Variants in LPCAT3 observed in about 807,000 individuals in gnomAD.
LPCAT3 encodes lysophosphatidylcholine acyltransferase 3, also known as lysophospholipid acyltransferase 5.
LPCAT3 carries 21 observed loss-of-function variants against 63.4 expected under a neutral mutation model. The observed-to-expected ratio is 0.33, with a 90% CI of 0.23 to 0.48. The LOEUF is 0.48. LPCAT3 is among the 20% of genes least tolerant of loss of function. The pLI, the probability that LPCAT3 is intolerant of heterozygous loss-of-function variation, is 0.99. For missense variants in LPCAT3, 451 were observed against 590.6 expected, an observed-to-expected ratio of 0.76 and a Z score of 2.45; for synonymous variants, 242 against 227.5, an observed-to-expected ratio of 1.06 and a Z score of -0.58.
intron 1 of LPCAT3, among the ~76,000 whole-genome samples, chr12:7,015,428 C>T (rs782695509): frequency 1.3e-5 from 2 of 152,210 alleles, no homozygotes; most frequent in Non-Finnish European, 2.9e-5. Context: ...AGGAACTCCA[C>T]TGCTGAAAGG....
chr12:6,978,734 G>C, intron 7 of LPCAT3, 45 bp from the exon 8 acceptor site: 1 of 1,607,268 alleles, frequency 6.2e-7, no homozygotes, highest in Middle Eastern at 1.7e-4. Flanking sequence ...CACATGACTA[G>C]GCAGTTTCTC....
At chr12:6,999,755 A>G (rs998362805) in intron 1 of LPCAT3, among the ~76,000 whole-genome samples, 7 of 152,210 alleles carry the variant, frequency 4.6e-5, no homozygotes, top group Non-Finnish European at 1.0e-4. Context: ...TAGCAAAGAT[A>G]AAAATCACAC....
chr12:6,988,696 C>T lies in LPCAT3; in HGVS notation c.152-5157G>A, dbSNP rs192280880. ...CTTCCACTTTTAACAGCATGAGACA[C>T]GGTTCTGACAGCCCCACTAACATCC... is the stretch of plus-strand genomic sequence containing the variant. On this transcript the variant is annotated intron_variant, in intron 1 of 12. Transcript: ENST00000261407. Among the ~76,000 whole-genome samples, 222 of 152,320 alleles carry T rather than the reference C, an allele frequency of 1.5e-3. 1 individual carries two copies. The highest frequency in any genetic ancestry group is 4.4e-3 in the African/African-American group (183 of 41,578).
At chr12:6,981,659 G>T in intron 4 of LPCAT3, 27 bp from the exon 5 acceptor site, 1 of 1,613,118 alleles carries the variant, frequency 6.2e-7, no homozygotes, top group Non-Finnish European at 8.5e-7. Context: ...CGGATGGGTA[G>T]GGTGGTGGGA....
chr12:6,979,840 A>G, intron 6 of LPCAT3: 1 of 471,896 alleles, frequency 2.1e-6, no homozygotes, highest in Non-Finnish European at 3.8e-6. Flanking sequence ...TTTACCCCTC[A>G]GGGATGCTAC....
intron 7 of LPCAT3, 188 bp downstream of exon 7, chr12:6,979,283 A>C (rs782749504): frequency 1.8e-5 from 11 of 598,958 alleles, no homozygotes; most frequent in African/African-American, 1.5e-4. Context: ...GTGCCCGCGA[A>C]GGTTGTTCAG....
At chr12:7,013,981 G>A (rs1555157409) in intron 1 of LPCAT3, among the ~76,000 whole-genome samples, 2 of 152,196 alleles carry the variant, frequency 1.3e-5, no homozygotes, top group African/African-American at 4.8e-5. Flanking sequence ...TTAAAGTCCT[G>A]TTTTAGTCAC....
chr12:7,018,258 G>T lies in LPCAT3; in HGVS notation c.151+16C>A, dbSNP rs1555157763. 5.0e-6 allele frequency: 8 copies of T among 1,588,062 alleles called. No homozygotes were observed. The South Asian group carries it at 8.0e-5, about 16-fold the overall frequency. Reference sequence around the variant, plus strand: ...GGGACTCCGCGAGGGGCGGAGGGAGGCAGGAGGGTCCTTACCCAGGAAGAT... The same window carrying T: ...GGGACTCCGCGAGGGGCGGAGGGAGTCAGGAGGGTCCTTACCCAGGAAGAT... On this transcript the variant is annotated intron_variant, in intron 1 of 12. Coordinates refer to ENST00000261407, the MANE Select transcript of LPCAT3 (RefSeq NM_005768.6). This position sits in a 1 kb window ranked among gnomAD's most constrained non-coding sequence, Gnocchi z 4.9.
intron 1 of LPCAT3, among the ~76,000 whole-genome samples, chr12:7,003,512 G>A (rs114013975): frequency 0.023 from 3,470 of 152,180 alleles, 38 homozygotes; most frequent in Middle Eastern, 0.095. Flanking sequence ...GTGTTGTCCA[G>A]GTTGGGTTTT....
chr12:6,979,430 T>A, intron 7 of LPCAT3, 41 bp downstream of exon 7: 1 of 1,424,124 alleles, frequency 7.0e-7, no homozygotes, highest in Non-Finnish European at 9.9e-7. Flanking sequence ...ATTTTCTAGC[T>A]CTGGTGCAGT....
chr12:7,001,555 T>A, intron 1 of LPCAT3: 3 of 455,528 alleles, frequency 6.6e-6, no homozygotes, highest in South Asian at 4.7e-5. Flanking sequence ...GGCGCGGTGT[T>A]GGTGTTGGTA....
intron 1 of LPCAT3, among the ~76,000 whole-genome samples, chr12:7,012,055 C>T (rs144734035): frequency 1.2e-4 from 19 of 152,244 alleles, no homozygotes; most frequent in Non-Finnish European, 2.2e-4. Context: ...TTTTAAAGGT[C>T]GCTAACTTTA....
At chr12:6,981,786 A>C in intron 4 of LPCAT3, 25 bp downstream of exon 4, 2 of 1,583,380 alleles carry the variant, frequency 1.3e-6, no homozygotes, top group Non-Finnish European at 1.7e-6. Flanking sequence ...ACATGTAAGG[A>C]AGGCAGGCAG....
At chr12:7,010,768 T>G (rs17726914) in intron 1 of LPCAT3, among the ~76,000 whole-genome samples, 5,119 of 152,298 alleles carry the variant, frequency 0.034, 117 homozygotes, top group Non-Finnish European at 0.049. Context: ...AAAGTTATAC[T>G]GGAATTCAAA....
At chr12:6,978,555 C>A (rs782268991) in intron 8 of LPCAT3, 48 bp from the exon 9 acceptor site, 1 of 1,612,698 alleles carries the variant, frequency 6.2e-7, no homozygotes, top group Admixed American at 1.7e-5. Flanking sequence ...CCCATACTGG[C>A]CCCCATGGCT....
At chr12:6,998,157 A>C (rs1274790220) in intron 1 of LPCAT3, among the ~76,000 whole-genome samples, 2 of 152,194 alleles carry the variant, frequency 1.3e-5, no homozygotes, top group Non-Finnish European at 1.5e-5. Flanking sequence ...CTGAGACCAC[A>C]GGAATGTACT....
rs782695153 is a variant in LPCAT3, at chr12:6,982,670, G to A, written c.366+6C>T. On this transcript the variant is annotated splice_donor_region_variant and intron_variant, in intron 3 of 12. Coordinates refer to ENST00000261407, the MANE Select transcript of LPCAT3 (RefSeq NM_005768.6). ...TAGCCTGAGCTGCTAAGGGAAAGACGTTTACCATCTGGAAGCAAAAGGTAG... is the reference window on the plus strand; with the variant it reads ...TAGCCTGAGCTGCTAAGGGAAAGACATTTACCATCTGGAAGCAAAAGGTAG... The A allele has an allele frequency of 6.9e-6, 11 of 1,601,332 alleles. No individual in the cohort carries two copies. The highest frequency in any genetic ancestry group is 5.1e-6 in the Non-Finnish European group (6 of 1,168,604).
intron 1 of LPCAT3, among the ~76,000 whole-genome samples, chr12:7,014,921 C>A (rs949851420): frequency 4.1e-5 from 6 of 145,184 alleles, no homozygotes; most frequent in African/African-American, 1.5e-4. Context: ...AAAATTGCAG[C>A]CTCTAACTCA....
At position 6,999,916 on chromosome 12, in the gene LPCAT3, CTTTTTTTTTT is replaced by C. The variant is rs782553121; in HGVS notation, c.152-16387_152-16378del. Among the ~76,000 whole-genome samples the C allele has an allele frequency of 2.4e-4, 27 of 114,536 alleles. 1 individual carries two copies. The highest frequency in any genetic ancestry group is 6.0e-4 in the African/African-American group (18 of 30,200). 75.1% of individuals were successfully genotyped at this position (114,536 alleles called of 152,430 possible). On this transcript the variant is annotated intron_variant, in intron 1 of 12. Transcript: ENST00000261407. The stretch of plus-strand genomic sequence containing the variant: ...GCAGCTTGGGCAAATTACTTACATT[CTTTTTTTTTT>C]TTTTTTTTTTTGAGACAGAGTCTCG...
Sources: allele counts gnomAD v4.1 joint callset (sites outside exome capture counted in the v4.1 genomes callset), GRCh38; gene constraint gnomAD v4.1.1; non-coding constraint Gnocchi (gnomAD v3.1); transcripts MANE v1.5; gene names NCBI Gene and HGNC (gene_info 2026-07-23, HGNC 2026-07-21).